Variants in BMPER observed in about 807,000 individuals in gnomAD.
BMPER encodes BMP-binding endothelial regulator protein.
Under a neutral mutation model 87.3 loss-of-function variants are expected in BMPER, and 45 were observed. The observed-to-expected ratio is 0.52, with a 90% CI of 0.41 to 0.66. The LOEUF (loss-of-function observed/expected upper bound fraction) is 0.66. Ranked by LOEUF, BMPER falls within the 30% of genes least tolerant of loss-of-function variation. The pLI is 0.00. For missense variants in BMPER, 784 were observed against 867.5 expected, an observed-to-expected ratio of 0.90 and a Z score of 1.21; for synonymous variants, 326 against 316.2, an observed-to-expected ratio of 1.03 and a Z score of -0.33.
chr7:33,983,778 G>A (rs1785923063), intron 6 of BMPER, among the ~76,000 whole-genome samples: 1 of 152,094 alleles, frequency 6.6e-6, no homozygotes, highest in African/African-American at 2.4e-5. Context: ...TTTGAAACTT[G>A]GAAATGGCAT....
intron 2 of BMPER, among the ~76,000 whole-genome samples, chr7:33,908,695 T>C (rs1288199735): frequency 6.6e-6 from 1 of 152,254 alleles, no homozygotes; most frequent in African/African-American, 2.4e-5. Context: ...GTATCTGCCT[T>C]GGGTGAGTGC....
In BMPER at chr7:34,020,972, A is replaced by T. The variant is rs548997758; in HGVS notation, c.577-25334A>T. ...CTTAAAATAAATAAAAGGTTAGTTT[A>T]AGTGGCCTTCTCCATTCCAGTTTGT... On this transcript the variant is annotated intron_variant, in intron 6 of 14. Coordinates refer to ENST00000649409, the MANE Select transcript of BMPER (RefSeq NM_001365308.1). Among the ~76,000 whole-genome samples, 20 of 152,070 alleles carry T rather than the reference A, an allele frequency of 1.3e-4. No individual in the cohort carries two copies. In the South Asian group the frequency reaches 4.1e-3, roughly 32 times the overall value.
At chr7:34,127,124 T>C (rs1790424806) in intron 13 of BMPER, among the ~76,000 whole-genome samples, 1 of 152,200 alleles carries the variant, frequency 6.6e-6, no homozygotes, top group Admixed American at 6.5e-5. Flanking sequence ...GCCCTTGTTT[T>C]TATGGCTTGT....
At chr7:33,920,736 TTTTTAA>T (rs1179310813) in intron 2 of BMPER, among the ~76,000 whole-genome samples, 1 of 152,104 alleles carries the variant, frequency 6.6e-6, no homozygotes, top group Non-Finnish European at 1.5e-5. Context: ...GAAAGCTCCA[TTTTTAA>T]TAAACCCTTC....
intron 3 of BMPER, among the ~76,000 whole-genome samples, chr7:33,959,758 G>C (rs561105915): frequency 2.0e-5 from 3 of 152,294 alleles, no homozygotes; most frequent in African/African-American, 7.2e-5. Flanking sequence ...TTCATAGAAT[G>C]TATTGTATTA....
At chr7:34,083,683 G>C (rs750993509) in intron 12 of BMPER, among the ~76,000 whole-genome samples, 1 of 152,152 alleles carries the variant, frequency 6.6e-6, no homozygotes, top group Non-Finnish European at 1.5e-5. Flanking sequence ...GACTTCAGGT[G>C]TATTGGCTTA....
intron 13 of BMPER, among the ~76,000 whole-genome samples, chr7:34,093,545 T>C (rs76505111): frequency 0.047 from 7,113 of 152,316 alleles, 212 homozygotes; most frequent in East Asian, 0.097. Context: ...TTAACGATTG[T>C]CTCTTTGTGG....
chr7:33,968,917 C>G (rs1242326528), intron 4 of BMPER, among the ~76,000 whole-genome samples: 3 of 152,152 alleles, frequency 2.0e-5, no homozygotes, highest in African/African-American at 7.2e-5. Flanking sequence ...ATTGCAGATA[C>G]CAAAGAAAAA....
chr7:34,103,908 G>A (rs1175096364), intron 13 of BMPER, among the ~76,000 whole-genome samples: 1 of 152,194 alleles, frequency 6.6e-6, no homozygotes, highest in African/African-American at 2.4e-5. Flanking sequence ...TCCATGTTCA[G>A]AAGCACTTAG....
chr7:33,921,166 G>A (rs1393355175), intron 2 of BMPER, among the ~76,000 whole-genome samples: 1 of 152,110 alleles, frequency 6.6e-6, no homozygotes, highest in Admixed American at 6.5e-5. Context: ...TACTGGACTT[G>A]AAGCTTCTTC....
Position 33,906,806 on chromosome 7 carries a change from C to G in BMPER, c.134-12C>G. On this transcript the variant is annotated splice_polypyrimidine_tract_variant and intron_variant, in intron 1 of 14. Transcript: ENST00000649409. ...AACTTTAAATGAAACATTTTTCCCC[C>G]CTGAATTTCAGGTTCTGTTGCAAAA... 1 of 1,609,054 alleles carries G rather than the reference C, an allele frequency of 6.2e-7. No homozygotes were observed. Among genetic ancestry groups the G allele is most frequent in the Non-Finnish European group, 8.5e-7 (1 of 1,175,624 alleles).
intron 13 of BMPER, among the ~76,000 whole-genome samples, chr7:34,140,350 C>T (rs1790832228): frequency 6.6e-6 from 1 of 152,212 alleles, no homozygotes; most frequent in Admixed American, 6.5e-5. Flanking sequence ...AAATCATCAA[C>T]TTGATAAGTG....
intron 13 of BMPER, among the ~76,000 whole-genome samples, chr7:34,114,425 G>T (rs185255430): frequency 4.8e-4 from 73 of 152,256 alleles, no homozygotes; most frequent in African/African-American, 1.7e-3. Context: ...TTGTTTTATT[G>T]ATTGACCATT....
At chr7:33,984,968 C>T (rs1165274573) in intron 6 of BMPER, among the ~76,000 whole-genome samples, 1 of 152,296 alleles carries the variant, frequency 6.6e-6, no homozygotes, top group South Asian at 2.1e-4. Flanking sequence ...GCCTGTACAG[C>T]CAGCCAGTCC....
intron 5 of BMPER, among the ~76,000 whole-genome samples, chr7:33,973,585 T>G (rs142735840): frequency 6.6e-6 from 1 of 152,368 alleles, no homozygotes; most frequent in Non-Finnish European, 1.5e-5. Context: ...ATGCCCATTC[T>G]TCTTTGTCAA....
intron 8 of BMPER, among the ~76,000 whole-genome samples, chr7:34,052,268 G>A (rs1369253316): frequency 6.6e-6 from 1 of 152,140 alleles, no homozygotes; most frequent in Non-Finnish European, 1.5e-5. Context: ...GTGCCCTCTG[G>A]CTCTAATTAT....
intron 2 of BMPER, among the ~76,000 whole-genome samples, chr7:33,936,033 A>T (rs1425603776): frequency 6.6e-6 from 1 of 152,140 alleles, no homozygotes; most frequent in African/African-American, 2.4e-5. Flanking sequence ...GCTCGCAGGC[A>T]CATATGCACA....
intron 7 of BMPER, among the ~76,000 whole-genome samples, chr7:34,046,922 C>A (rs1787985610): frequency 8.8e-6 from 1 of 113,234 alleles, no homozygotes; most frequent in Non-Finnish European, 1.8e-5. Flanking sequence ...ATGCTAGGCA[C>A]TTTATTTTTT....
Position 33,967,143 on chromosome 7 carries a change from G to A in BMPER, c.402+582G>A, listed in dbSNP as rs140499160. On this transcript the variant is annotated intron_variant, in intron 4 of 14. Coordinates refer to ENST00000649409, the MANE Select transcript of BMPER (RefSeq NM_001365308.1). ...CTAACCCCATCAGGTGTTAAACACA[G>A]CAAGATAAACTAAAGCAGAAATGAA... Among the ~76,000 whole-genome samples, 137 of 152,238 alleles carry A rather than the reference G, an allele frequency of 9.0e-4. 1 individual carries two copies. Among genetic ancestry groups the A allele is most frequent in the African/African-American group, 3.2e-3 (131 of 41,530 alleles).
Sources: gnomAD v4.1 joint callset for allele counts (sites outside exome capture counted in the v4.1 genomes callset) on GRCh38, gnomAD v4.1.1 for gene constraint, MANE v1.5 for transcripts, NCBI Gene and HGNC (gene_info 2026-07-23, HGNC 2026-07-21) for gene names.